Variants in SCG5 observed in about 807,000 individuals in gnomAD.
The protein encoded by SCG5 is neuroendocrine protein 7B2.
SCG5 carries 18 observed loss-of-function variants against 25.7 expected under a neutral mutation model. The ratio of observed to expected loss-of-function variants is 0.70; its 90% CI spans 0.48 to 1.04. The LOEUF (loss-of-function observed/expected upper bound fraction) is 1.04, where lower values mean the gene tolerates loss of function less well. Ranked by LOEUF, SCG5 falls within the 50% of genes least tolerant of loss-of-function variation. The probability of loss-of-function intolerance (pLI) is 0.00; values close to 1 mark genes in which losing one functional copy is unlikely to be tolerated. For missense variants in SCG5, 206 were observed against 259.8 expected, an observed-to-expected ratio of 0.79 and a Z score of 1.42; for synonymous variants, 101 against 91.7, an observed-to-expected ratio of 1.10 and a Z score of -0.58.
intron 2 of SCG5, among the ~76,000 whole-genome samples, chr15:32,659,436 A>C (rs987657723): frequency 1.2e-4 from 19 of 152,156 alleles, no homozygotes; most frequent in Admixed American, 4.6e-4. Flanking sequence ...GCAGGAGGAA[A>C]ACTTTCCTGC....
At chr15:32,663,851 C>T (rs1397011591) in intron 2 of SCG5, among the ~76,000 whole-genome samples, 1 of 151,102 alleles carries the variant, frequency 6.6e-6, no homozygotes, top group East Asian at 2.0e-4. Context: ...AAAGGAGCCA[C>T]TCCCTTGTCA....
At chr15:32,663,295 C>T (rs1015630405) in intron 2 of SCG5, among the ~76,000 whole-genome samples, 2 of 151,802 alleles carry the variant, frequency 1.3e-5, no homozygotes, top group African/African-American at 4.8e-5. Flanking sequence ...TAGCCATTCC[C>T]CCCATCTCTG....
At chr15:32,681,163 T>C (rs2054613744) in intron 3 of SCG5, among the ~76,000 whole-genome samples, 1 of 152,178 alleles carries the variant, frequency 6.6e-6, no homozygotes, top group South Asian at 2.1e-4. Context: ...AGCACCAGAG[T>C]AGTCTTTTCC....
In SCG5 at chr15:32,684,687, T is replaced by G; in HGVS notation, c.489+18T>G. On this transcript the variant is annotated intron_variant, in intron 4 of 5. Transcript: ENST00000300175. ...GCAAGTGGGTAAGTCCTATCTCAATTGTTAGTAGATTTTGCACTTTGGTAC... is the reference window on the plus strand; with the variant it reads ...GCAAGTGGGTAAGTCCTATCTCAATGGTTAGTAGATTTTGCACTTTGGTAC... The G allele has an allele frequency of 6.4e-7, 1 of 1,562,050 alleles. No homozygotes were observed. The highest frequency in any genetic ancestry group is 8.8e-7 in the Non-Finnish European group (1 of 1,135,034).
intron 2 of SCG5, among the ~76,000 whole-genome samples, chr15:32,649,332 A>G (rs1022640192): frequency 4.6e-5 from 7 of 152,344 alleles, no homozygotes; most frequent in African/African-American, 1.7e-4. Flanking sequence ...CAAGGAAAAT[A>G]TTCCATTTCT....
At chr15:32,647,392 T>G (rs536310174) in intron 2 of SCG5, among the ~76,000 whole-genome samples, 1 of 152,320 alleles carries the variant, frequency 6.6e-6, no homozygotes, top group African/African-American at 2.4e-5. Context: ...TCAATGGATC[T>G]TAACAAATGT....
At chr15:32,693,141 A>G (rs1027956164) in intron 5 of SCG5, among the ~76,000 whole-genome samples, 10 of 152,164 alleles carry the variant, frequency 6.6e-5, no homozygotes, top group Admixed American at 2.6e-4. Flanking sequence ...CAACAAGAAC[A>G]TTTCCAAATA....
At chr15:32,666,808 G>T (rs1007633501) in intron 2 of SCG5, among the ~76,000 whole-genome samples, 2 of 152,164 alleles carry the variant, frequency 1.3e-5, no homozygotes, top group Non-Finnish European at 1.5e-5. Context: ...TACAGATGAG[G>T]TCATACAGCT....
At chr15:32,693,034 A>G (rs376302532) in intron 5 of SCG5, among the ~76,000 whole-genome samples, 1 of 152,362 alleles carries the variant, frequency 6.6e-6, no homozygotes, top group Non-Finnish European at 1.5e-5. Flanking sequence ...TCCAAAGGGT[A>G]TAATGTGGTC....
chr15:32,661,723 T>C (rs2054222775), intron 2 of SCG5, among the ~76,000 whole-genome samples: 1 of 152,202 alleles, frequency 6.6e-6, no homozygotes, highest in Non-Finnish European at 1.5e-5. Flanking sequence ...AGAGGCTTTG[T>C]TTTTTCTGCC....
chr15:32,649,257 A>G (rs1452582940), intron 2 of SCG5, among the ~76,000 whole-genome samples: 1 of 152,232 alleles, frequency 6.6e-6, no homozygotes, highest in East Asian at 1.9e-4. Flanking sequence ...AAATATACCT[A>G]ATGGCAATAA....
intron 5 of SCG5, 73 bp from the exon 6 acceptor site, chr15:32,696,441 T>C (rs980113668): frequency 3.6e-6 from 4 of 1,097,156 alleles, no homozygotes; most frequent in Admixed American, 4.0e-5. Context: ...TGTTCATTTC[T>C]TTTCTGAGAT....
intron 2 of SCG5, among the ~76,000 whole-genome samples, chr15:32,661,053 TCTACTA>T (rs1430603149): frequency 3.3e-5 from 5 of 152,240 alleles, no homozygotes; most frequent in Non-Finnish European, 7.3e-5. Flanking sequence ...TTATTTTGTA[TCTACTA>T]TGTGCCAAAC....
chr15:32,696,360 G>A (rs1426357792), intron 5 of SCG5, among the ~76,000 whole-genome samples, 154 bp from the exon 6 acceptor site: 1 of 152,070 alleles, frequency 6.6e-6, no homozygotes, highest in Non-Finnish European at 1.5e-5. Context: ...CTCGTGATCT[G>A]CCCACCTCGG....
At chr15:32,663,564 G>C (rs8025371) in intron 2 of SCG5, among the ~76,000 whole-genome samples, 145,467 of 152,244 alleles carry the variant, frequency 0.96, 69,587 homozygotes, top group Middle Eastern at 0.99. Context: ...AGAAAACTAC[G>C]TAGAACAATA....
At chr15:32,664,100 T>C (rs533418010) in intron 2 of SCG5, among the ~76,000 whole-genome samples, 1 of 152,164 alleles carries the variant, frequency 6.6e-6, no homozygotes, top group Non-Finnish European at 1.5e-5. Context: ...AGAGTGGCCA[T>C]GAGAGGTGAC....
chr15:32,665,613 G>A (rs1265200516), intron 2 of SCG5: 2 of 152,208 alleles, frequency 1.3e-5, no homozygotes, highest in African/African-American at 4.8e-5. Flanking sequence ...CCTTTCCATT[G>A]ATAGGAGAAA....
Position 32,692,179 on chromosome 15 carries a change from G to A in SCG5, c.543+416G>A. Reference sequence around the variant, plus strand: ...GACAGAAACAGGGAAGTGCTGAACTGCATGCTCCAGGAAATAACTTTGAAG... The same window carrying A: ...GACAGAAACAGGGAAGTGCTGAACTACATGCTCCAGGAAATAACTTTGAAG... On this transcript the variant is annotated intron_variant, in intron 5 of 5. Transcript: ENST00000300175. The A allele has an allele frequency of 5.9e-6, 6 of 1,018,698 alleles. No individual in the cohort carries two copies. The South Asian group carries it at 1.8e-4, about 31-fold the overall frequency. The allele number at this position is 1,018,698 out of a possible 1,614,324, so 63.1% of individuals were successfully genotyped here.
chr15:32,661,414 G>A (rs931332699), intron 2 of SCG5, among the ~76,000 whole-genome samples: 3 of 152,334 alleles, frequency 2.0e-5, no homozygotes, highest in Admixed American at 2.0e-4. Flanking sequence ...GAGGTTGGGA[G>A]TTCAGAGACC....
Sources: allele counts gnomAD v4.1 joint callset (sites outside exome capture counted in the v4.1 genomes callset), GRCh38; gene constraint gnomAD v4.1.1; transcripts MANE v1.5; gene names NCBI Gene and HGNC (gene_info 2026-07-23, HGNC 2026-07-21).